SCAPER: variants seen among roughly 807,000 people sequenced by gnomAD.
SCAPER encodes S phase cyclin A-associated protein in the endoplasmic reticulum.
SCAPER carries 98 observed loss-of-function variants against 182.2 expected under a neutral mutation model. The ratio of observed to expected loss-of-function variants is 0.54; its 90% CI spans 0.46 to 0.64. The LOEUF (loss-of-function observed/expected upper bound fraction) is 0.64, where lower values mean the gene tolerates loss of function less well. SCAPER is among the 30% of genes least tolerant of loss of function. SCAPER has a pLI of 0.00. For missense variants in SCAPER, 1,432 were observed against 1,690.0 expected (o/e 0.85, Z 2.68); for synonymous variants, 605 against 564.6 (o/e 1.07, Z -1.01).
chr15:76,768,613 A>G (rs2063250666), intron 10 of SCAPER, among the ~76,000 whole-genome samples: 1 of 152,142 alleles, frequency 6.6e-6, no homozygotes, highest in Non-Finnish European at 1.5e-5. Context: ...TATGGAGAAT[A>G]TACTAAAAAA....
rs115881414 is a variant in SCAPER at position 76,459,670 on chromosome 15, G to C, written c.3078+11542C>G. Among the ~76,000 whole-genome samples the C allele has an allele frequency of 7.3e-3, 1,103 of 151,798 alleles. 17 individuals carry two copies. The highest frequency in any genetic ancestry group is 0.025 in the African/African-American group (1,050 of 41,434). On this transcript the variant is annotated intron_variant, in intron 25 of 31. Transcript: ENST00000563290. ...TGATTGTTTCCTTTGCTGTGTAAAA[G>C]GTTTTTAGTTTAATATAGTCCATTT...
chr15:76,721,326 T>C (rs1286085877), intron 17 of SCAPER, among the ~76,000 whole-genome samples: 2 of 152,120 alleles, frequency 1.3e-5, no homozygotes, highest in Non-Finnish European at 2.9e-5. Flanking sequence ...TTGGTTACTG[T>C]AGCCTTGTAG....
chr15:76,442,546 T>C (rs2047689511), intron 25 of SCAPER, among the ~76,000 whole-genome samples: 1 of 152,240 alleles, frequency 6.6e-6, no homozygotes, highest in African/African-American at 2.4e-5. Flanking sequence ...GTTCCTTATG[T>C]ATAAAATGAG....
intron 5 of SCAPER, among the ~76,000 whole-genome samples, chr15:76,811,326 G>C (rs574582356): frequency 2.0e-5 from 3 of 151,994 alleles, no homozygotes; most frequent in South Asian, 4.1e-4. Flanking sequence ...CTAGAAATCA[G>C]TAATAGCAAG....
At chr15:76,810,373 C>T (rs2066496849) in intron 5 of SCAPER, among the ~76,000 whole-genome samples, 1 of 151,446 alleles carries the variant, frequency 6.6e-6, no homozygotes, top group Admixed American at 6.6e-5. Context: ...GAGCAAGAGA[C>T]ATAAAAGGAG....
rs1394757770 is a variant in SCAPER, at chr15:76,665,725, G to A, written c.2573C>T (p.Ala858Val). 3 of 1,560,492 alleles carry A rather than the reference G, an allele frequency of 1.9e-6. No homozygotes were observed. The highest frequency in any genetic ancestry group is 2.6e-6 in the Non-Finnish European group (3 of 1,152,122). Residue 858 changes from alanine to valine, a missense_variant, in exon 21 of 32, where the codon GCT (alanine) becomes GTT (valine). Ala to Val is a moderately conservative substitution (Grantham distance 64). This residue lies in a region of SCAPER where 718 missense variants were observed against 799.7 expected (regional missense o/e 0.90). Transcript: ENST00000563290. ...TTGCCGCTCTTCTCCATCTTTCAAA[G>A]CTTCTGCTGGAGCTGTACTTTCAAC... ...IVVESTAPAE[A>V]LKDGEERQKN...
chr15:76,875,013 T>G (rs1401356966), intron 2 of SCAPER, among the ~76,000 whole-genome samples: 1 of 152,044 alleles, frequency 6.6e-6, no homozygotes, highest in African/African-American at 2.4e-5. Context: ...AGCAATGAAT[T>G]TGTAAATCTC....
At chr15:76,461,330 CTTT>C (rs58709477) in intron 25 of SCAPER, among the ~76,000 whole-genome samples, 5 of 143,214 alleles carry the variant, frequency 3.5e-5, no homozygotes, top group Admixed American at 7.0e-5. Context: ...TATTACCCAA[CTTT>C]TTTTTTTTTT....
At chr15:76,539,747 G>T (rs1040319126) in intron 23 of SCAPER, among the ~76,000 whole-genome samples, 1 of 151,906 alleles carries the variant, frequency 6.6e-6, no homozygotes, top group East Asian at 1.9e-4. Context: ...GGGTTTCACC[G>T]TGTTAGCCAG....
intron 22 of SCAPER, among the ~76,000 whole-genome samples, chr15:76,603,966 C>T (rs1270368851): frequency 1.7e-5 from 2 of 121,190 alleles, no homozygotes; most frequent in East Asian, 2.2e-4. Context: ...TTCTCCCATT[C>T]TGTAGGTTGC....
At chr15:76,623,632 C>T (rs554620884) in intron 21 of SCAPER, among the ~76,000 whole-genome samples, 6 of 152,290 alleles carry the variant, frequency 3.9e-5, no homozygotes, top group Non-Finnish European at 7.4e-5. Context: ...CAGTACCATG[C>T]TCTCTTGGTT....
intron 17 of SCAPER, among the ~76,000 whole-genome samples, chr15:76,710,654 T>C (rs1198621186): frequency 6.6e-6 from 1 of 152,108 alleles, no homozygotes; most frequent in African/African-American, 2.4e-5. Context: ...AGAAACATCA[T>C]ATTCATGGAT....
At chr15:76,802,045 G>A (rs534121113) in intron 6 of SCAPER, among the ~76,000 whole-genome samples, 1 of 151,484 alleles carries the variant, frequency 6.6e-6, no homozygotes, top group African/African-American at 2.4e-5. Context: ...GCCACCAATA[G>A]GTAACTGAAT....
chr15:76,389,801 GT>G (rs1319604295), intron 27 of SCAPER, among the ~76,000 whole-genome samples: 1 of 122,254 alleles, frequency 8.2e-6, no homozygotes, highest in African/African-American at 3.1e-5. Context: ...GGCCGACAGA[GT>G]AAGACTCCGT....
Position 76,774,883 on chromosome 15 carries a change from CAA to C in SCAPER, c.1005_1006del (p.Cys336Ter). The C allele has an allele frequency of 1.2e-6, 2 of 1,612,958 alleles. No homozygotes were observed. Among genetic ancestry groups the C allele is most frequent in the Non-Finnish European group, 1.7e-6 (2 of 1,179,474 alleles). On this transcript the variant is annotated frameshift_variant, in exon 9 of 32. Transcript: ENST00000563290. LOFTEE classifies it high-confidence loss of function. ...GGTTTTTTCGGCAAGAGGATGGTCA[CAA>C]GAGTGTAATGAGTCTTTGGGATGAG...
intron 5 of SCAPER, 75 bp downstream of exon 5, chr15:76,841,659 A>C: frequency 6.8e-7 from 1 of 1,460,402 alleles, no homozygotes; most frequent in Non-Finnish European, 9.3e-7. Context: ...AGAAAAAAAA[A>C]AGATCAAGTC....
Position 76,876,310 on chromosome 15 carries a change from G to C in SCAPER, c.6+7502C>G, listed in dbSNP as rs575255360. Among the ~76,000 whole-genome samples the C allele has an allele frequency of 1.1e-4, 16 of 152,094 alleles. 1 individual carries two copies. The highest frequency in any genetic ancestry group is 2.9e-5 in the Non-Finnish European group (2 of 68,004). ...CTCCCCGAGCATGGCCAGAGTGGACGTCGAGGCCGAGGAGGCACCAAGAGT... is the reference window on the plus strand; with the variant it reads ...CTCCCCGAGCATGGCCAGAGTGGACCTCGAGGCCGAGGAGGCACCAAGAGT... On this transcript the variant is annotated intron_variant, in intron 2 of 31. Transcript: ENST00000563290.
At chr15:76,602,910 T>A (rs2050024123) in intron 22 of SCAPER, among the ~76,000 whole-genome samples, 1 of 118,304 alleles carries the variant, frequency 8.5e-6, no homozygotes, top group South Asian at 2.6e-4. Flanking sequence ...AATTCTGGCA[T>A]TTCTTTTTTT....
intron 8 of SCAPER, among the ~76,000 whole-genome samples, chr15:76,790,397 G>A (rs2064921706): frequency 6.6e-6 from 1 of 152,132 alleles, no homozygotes; most frequent in Non-Finnish European, 1.5e-5. Context: ...AAGTTTGGAA[G>A]AAGTAACACG....
Sources: gnomAD v4.1 joint callset for allele counts (sites outside exome capture counted in the v4.1 genomes callset) on GRCh38, gnomAD v4.1.1 for gene constraint, gnomAD v4.1.1 regional missense constraint, MANE v1.5 for transcripts, NCBI Gene and HGNC (gene_info 2026-07-23, HGNC 2026-07-21) for gene names.